The following LAMA2 variants were observed in gnomAD, a reference collection of about 807,000 sequenced individuals.
LAMA2 encodes laminin subunit alpha 2.
LAMA2 carries 269 observed loss-of-function variants against 364.8 expected under a neutral mutation model. The ratio of observed to expected loss-of-function variants is 0.74; its 90% CI spans 0.67 to 0.82. The LOEUF (loss-of-function observed/expected upper bound fraction) is 0.82. LAMA2 is among the 40% of genes least tolerant of loss of function. The probability of loss-of-function intolerance (pLI) is 0.00; values close to 1 mark genes in which losing one functional copy is unlikely to be tolerated. For synonymous variants in LAMA2, 1,379 were observed against 1,370.6 expected, an observed-to-expected ratio of 1.01 and a Z score of -0.14; for missense variants, 3,807 against 3,873.2, an observed-to-expected ratio of 0.98 and a Z score of 0.45.
chr6:129,014,076 G>T (rs1784931621), intron 1 of LAMA2, among the ~76,000 whole-genome samples: 1 of 152,196 alleles, frequency 6.6e-6, no homozygotes, highest in African/African-American at 2.4e-5. Context: ...CAACTGCATG[G>T]ATGGTGATGT....
intron 20 of LAMA2, among the ~76,000 whole-genome samples, chr6:129,293,556 T>G (rs1248825727): frequency 6.6e-6 from 1 of 152,210 alleles, no homozygotes; most frequent in Non-Finnish European, 1.5e-5. Flanking sequence ...AGAAACACAT[T>G]TTCACACACT....
Position 129,043,391 on chromosome 6 carries a change from C to T in LAMA2, c.113-6527C>T, listed in dbSNP as rs1253127616. ...TTGACATCAAATGTACTTATACTGTCTTTTATCATCTCCAATTTTCTATTA... is the reference window on the plus strand; with the variant it reads ...TTGACATCAAATGTACTTATACTGTTTTTTATCATCTCCAATTTTCTATTA... On this transcript the variant is annotated intron_variant, in intron 1 of 64. Transcript: ENST00000421865. Among the ~76,000 whole-genome samples the T allele has an allele frequency of 3.3e-5, 5 of 152,028 alleles. No individual in the cohort carries two copies. In the East Asian group the frequency reaches 9.7e-4, roughly 29 times the overall value.
intron 29 of LAMA2, among the ~76,000 whole-genome samples, chr6:129,341,269 G>A (rs1051570483): frequency 1.3e-5 from 2 of 152,158 alleles, no homozygotes; most frequent in Admixed American, 1.3e-4. Context: ...TGGCGGCTTC[G>A]TGGCTCCAGC....
At chr6:129,363,932 C>A (rs1777614131) in intron 32 of LAMA2, among the ~76,000 whole-genome samples, 3 of 152,218 alleles carry the variant, frequency 2.0e-5, no homozygotes, top group Admixed American at 2.0e-4. Flanking sequence ...CCAAAATAAT[C>A]TTTTACTTGG....
At chr6:129,229,247 T>C (rs1483239848) in intron 12 of LAMA2, among the ~76,000 whole-genome samples, 1 of 152,074 alleles carries the variant, frequency 6.6e-6, no homozygotes, top group Non-Finnish European at 1.5e-5. Flanking sequence ...AGGATGATAG[T>C]GGTTGAATAG....
intron 27 of LAMA2, among the ~76,000 whole-genome samples, chr6:129,316,481 G>T (rs1276432750): frequency 3.9e-5 from 6 of 152,176 alleles, no homozygotes; most frequent in Non-Finnish European, 8.8e-5. Flanking sequence ...AACTGTTGTG[G>T]TATAAATGGA....
intron 46 of LAMA2, among the ~76,000 whole-genome samples, chr6:129,453,627 G>T (rs1474539373): frequency 6.6e-6 from 1 of 152,070 alleles, no homozygotes; most frequent in South Asian, 2.1e-4. Flanking sequence ...CACCCATAAA[G>T]TTCTAATTTC....
intron 60 of LAMA2, 75 bp from the exon 61 acceptor site, chr6:129,505,125 A>T: frequency 7.8e-7 from 1 of 1,288,068 alleles, no homozygotes; most frequent in East Asian, 2.3e-5. Flanking sequence ...ACATCGTTAG[A>T]GTCCTTATGT....
intron 17 of LAMA2, among the ~76,000 whole-genome samples, chr6:129,274,371 G>C (rs568671194): frequency 6.6e-6 from 1 of 151,390 alleles, no homozygotes; most frequent in African/African-American, 2.4e-5. Context: ...TTGAATATTT[G>C]CATACAATCC....
intron 44 of LAMA2, 42 bp downstream of exon 44, chr6:129,443,110 G>C (rs369072771): frequency 2.6e-6 from 4 of 1,510,782 alleles, no homozygotes; most frequent in Non-Finnish European, 3.6e-6. Context: ...TAACGCTCAT[G>C]CTTCATTGCC....
chr6:129,470,385 T>G (rs939865984), intron 51 of LAMA2, among the ~76,000 whole-genome samples: 1 of 152,008 alleles, frequency 6.6e-6, no homozygotes, highest in Middle Eastern at 3.4e-3. Flanking sequence ...AAAAATCAGG[T>G]CCAAGCATAC....
At chr6:129,159,457 C>T (rs1283099607) in intron 8 of LAMA2, among the ~76,000 whole-genome samples, 4 of 152,186 alleles carry the variant, frequency 2.6e-5, no homozygotes, top group Admixed American at 6.5e-5. Flanking sequence ...GGAGGCGCCC[C>T]GGCCGGGAGG....
At chr6:128,959,710 A>G (rs998116118) in intron 1 of LAMA2, among the ~76,000 whole-genome samples, 15 of 152,080 alleles carry the variant, frequency 9.9e-5, no homozygotes, top group African/African-American at 3.6e-4. Context: ...GCCCACTGCC[A>G]TTCCTGGTCT....
chr6:129,408,541 G>A (rs1780363335), intron 40 of LAMA2, among the ~76,000 whole-genome samples: 1 of 152,120 alleles, frequency 6.6e-6, no homozygotes, highest in African/African-American at 2.4e-5. Context: ...GGCGTAGGAT[G>A]GGCAAATCCA....
At chr6:129,319,171 T>A (rs534143322) in intron 27 of LAMA2, among the ~76,000 whole-genome samples, 1 of 152,340 alleles carries the variant, frequency 6.6e-6, no homozygotes, top group African/African-American at 2.4e-5. Flanking sequence ...CATTATTTTC[T>A]AGGTGGTTTT....
intron 53 of LAMA2, among the ~76,000 whole-genome samples, chr6:129,477,785 A>C (rs1380582602): frequency 6.6e-6 from 1 of 152,120 alleles, no homozygotes; most frequent in East Asian, 1.9e-4. Flanking sequence ...GTTAAAAAAA[A>C]ACATTTTTTT....
intron 42 of LAMA2, among the ~76,000 whole-genome samples, chr6:129,440,244 A>G (rs1041270639): frequency 6.6e-6 from 1 of 152,294 alleles, no homozygotes; most frequent in African/African-American, 2.4e-5. Flanking sequence ...AACACAGTTA[A>G]TATTAAAATC....
At chr6:129,504,348 G>A (rs112483392) in intron 60 of LAMA2, among the ~76,000 whole-genome samples, 407 of 152,318 alleles carry the variant, frequency 2.7e-3, no homozygotes, top group Middle Eastern at 0.014. Flanking sequence ...ATGAGGCTGG[G>A]ATTAAGAAAG....
chr6:129,383,919 A>G (rs1378175131), intron 35 of LAMA2, among the ~76,000 whole-genome samples: 1 of 152,214 alleles, frequency 6.6e-6, no homozygotes. Flanking sequence ...ATTGGGAAAA[A>G]TGCTTTTTGT....
Sources: gnomAD v4.1 joint callset for allele counts (sites outside exome capture counted in the v4.1 genomes callset) on GRCh38, gnomAD v4.1.1 for gene constraint, MANE v1.5 for transcripts, NCBI Gene and HGNC (gene_info 2026-07-23, HGNC 2026-07-21) for gene names.